JAKMIP2: variants seen among roughly 807,000 people sequenced by gnomAD.
JAKMIP2 encodes the protein janus kinase and microtubule interacting protein 2.
In JAKMIP2, 25 loss-of-function variants were observed where a neutral mutation model predicts 115.0. The ratio of observed to expected loss-of-function variants is 0.22; its 90% confidence interval spans 0.16 to 0.30. The LOEUF is 0.30. JAKMIP2 is among the 10% of genes least tolerant of loss of function. JAKMIP2 has a pLI of 1.00. For missense variants in JAKMIP2, 642 were observed against 957.6 expected (o/e 0.67, Z 4.35); for synonymous variants, 334 against 343.6 (o/e 0.97, Z 0.31).
intron 20 of JAKMIP2, among the ~76,000 whole-genome samples, chr5:147,611,504 G>A (rs1177914745): frequency 1.3e-5 from 2 of 152,114 alleles, no homozygotes; most frequent in East Asian, 3.9e-4. Context: ...CTTGCCCTCC[G>A]TGGGCTGCAC....
rs981899846 is a variant in JAKMIP2, at chr5:147,661,871, G to A, written c.130-426C>T. 5.2e-5 allele frequency: 9 copies of A among 172,074 alleles called. No homozygotes were observed. The East Asian group carries it at 8.3e-4, about 16-fold the overall frequency. The allele number at this position is 172,074 out of a possible 1,614,324, so 10.7% of individuals were successfully genotyped here. On this transcript the variant is annotated intron_variant, in intron 2 of 21. Coordinates refer to ENST00000616793, the MANE Select transcript of JAKMIP2 (RefSeq NM_001270941.2). ...TCGCTATCATGGTTTTTCCCTTTAC[G>A]GGGAGGACTGCAAAACAGATCGCCT...
At chr5:147,697,174 C>T (rs1169967282) in intron 1 of JAKMIP2, among the ~76,000 whole-genome samples, 3 of 152,164 alleles carry the variant, frequency 2.0e-5, no homozygotes, top group African/African-American at 7.2e-5. Context: ...TACAGTTTCA[C>T]ATGACTGAAG....
chr5:147,731,329 A>G (rs1349598533), intron 1 of JAKMIP2, among the ~76,000 whole-genome samples: 1 of 152,238 alleles, frequency 6.6e-6, no homozygotes, highest in Non-Finnish European at 1.5e-5. Flanking sequence ...TATTTCAAGT[A>G]GCTCACGAAA....
chr5:147,704,948 C>T (rs947303569), intron 1 of JAKMIP2, among the ~76,000 whole-genome samples: 2 of 152,122 alleles, frequency 1.3e-5, no homozygotes, highest in Non-Finnish European at 2.9e-5. Context: ...AATAATGTAG[C>T]AGAGTATGAA....
intron 5 of JAKMIP2, among the ~76,000 whole-genome samples, chr5:147,648,136 G>T (rs1227845029): frequency 6.6e-6 from 1 of 152,116 alleles, no homozygotes; most frequent in African/African-American, 2.4e-5. Context: ...TAGTGGTTAA[G>T]TTTAACAGGA....
At chr5:147,761,096 T>C (rs936676865) in intron 1 of JAKMIP2, among the ~76,000 whole-genome samples, 1 of 152,232 alleles carries the variant, frequency 6.6e-6, no homozygotes, top group African/African-American at 2.4e-5. Flanking sequence ...AGTGTCTGCT[T>C]TTATACTAAA....
chr5:147,689,036 G>A (rs577554502), intron 1 of JAKMIP2, among the ~76,000 whole-genome samples: 8 of 152,314 alleles, frequency 5.3e-5, no homozygotes, highest in African/African-American at 1.9e-4. Flanking sequence ...GTGGTGTTGT[G>A]ATTTTAGATC....
intron 21 of JAKMIP2, among the ~76,000 whole-genome samples, chr5:147,598,636 C>T (rs968019670): frequency 2.6e-5 from 4 of 152,126 alleles, no homozygotes; most frequent in Non-Finnish European, 5.9e-5. Context: ...ATAATCCATG[C>T]AGTTATTTAG....
At chr5:147,740,356 T>C (rs76655156) in intron 1 of JAKMIP2, among the ~76,000 whole-genome samples, 361 of 152,342 alleles carry the variant, frequency 2.4e-3, no homozygotes, top group Admixed American at 5.4e-3. Flanking sequence ...CAAAAATCTA[T>C]TGATTATCAG....
At chr5:147,593,886 T>C (rs1755219866) in intron 21 of JAKMIP2, among the ~76,000 whole-genome samples, 1 of 152,206 alleles carries the variant, frequency 6.6e-6, no homozygotes, top group African/African-American at 2.4e-5. Flanking sequence ...AGGGATGTAT[T>C]TTTGTTTGTG....
rs375720289 is a variant in JAKMIP2 at position 147,661,105 on chromosome 5, G to A, written c.470C>T (p.Ala157Val). 3.1e-6 allele frequency: 5 copies of A among 1,613,806 alleles called. No individual in the cohort carries two copies. The highest frequency in any genetic ancestry group is 3.4e-6 in the Non-Finnish European group (4 of 1,180,024). Residue 157 changes from alanine (A) to valine (V), a missense_variant, in exon 3 of 22, where the codon GCG (alanine) becomes GTG (valine). This residue lies in a region of JAKMIP2 where 439 missense variants were observed against 570.9 expected (regional missense o/e 0.77). Coordinates refer to ENST00000616793, the MANE Select transcript of JAKMIP2 (RefSeq NM_001270941.2). ...TERLKLLQEIADLKTAKKQVD... is the reference protein window; with the variant it reads ...TERLKLLQEIVDLKTAKKQVD... ...CTGCTTCTTGGCCGTTTTCAGGTCC[G>A]CAATTTCCTGTAAGAGCTTAAGGCG...
intron 1 of JAKMIP2, among the ~76,000 whole-genome samples, chr5:147,779,213 T>C (rs1444719133): frequency 6.6e-6 from 1 of 152,084 alleles, no homozygotes. Context: ...TCACTTGAAA[T>C]AAGAAACATC....
intron 2 of JAKMIP2, among the ~76,000 whole-genome samples, chr5:147,667,968 C>T (rs75360182): frequency 3.9e-4 from 60 of 152,260 alleles, no homozygotes; most frequent in African/African-American, 1.4e-3. Flanking sequence ...CATCGCGGCT[C>T]CTCCACCAGC....
At chr5:147,636,613 G>GA (rs1262951196) in intron 11 of JAKMIP2, among the ~76,000 whole-genome samples, 1 of 152,164 alleles carries the variant, frequency 6.6e-6, no homozygotes, top group Non-Finnish European at 1.5e-5. Flanking sequence ...CATATGGATG[G>GA]AAAACATTAA....
chr5:147,758,178 C>G (rs1257430430), intron 1 of JAKMIP2, among the ~76,000 whole-genome samples: 1 of 152,016 alleles, frequency 6.6e-6, no homozygotes, highest in African/African-American at 2.4e-5. Context: ...CATGTAAATA[C>G]TACAGTAATC....
At chr5:147,594,452 A>G (rs1270469648) in intron 21 of JAKMIP2, 2 of 455,200 alleles carry the variant, frequency 4.4e-6, no homozygotes, top group Admixed American at 4.7e-5. Context: ...CTTGCACTTC[A>G]GCCTCCCAAG....
At chr5:147,655,723 T>C (rs983970595) in intron 3 of JAKMIP2, among the ~76,000 whole-genome samples, 22 of 152,194 alleles carry the variant, frequency 1.4e-4, no homozygotes, top group Non-Finnish European at 5.9e-5. Context: ...AGCTATTTCT[T>C]GTCTTCTGCT....
chr5:147,752,310 A>G (rs1308810348), intron 1 of JAKMIP2, among the ~76,000 whole-genome samples: 1 of 152,216 alleles, frequency 6.6e-6, no homozygotes, highest in African/African-American at 2.4e-5. Context: ...CATGCAGACC[A>G]AACTGAGTAC....
rs768392414 is a variant in JAKMIP2 at position 147,639,597 on chromosome 5, G to A, written c.1530+35C>T. ...TGCTTTTATGCTGTGACTGCTGCAC[G>A]CTAATTCAGAGCACTCTCACAGATA... On this transcript the variant is annotated intron_variant, in intron 10 of 21. Transcript: ENST00000616793. The A allele has an allele frequency of 2.0e-5, 31 of 1,587,310 alleles. No homozygotes were observed. In the East Asian group the frequency reaches 5.2e-4, roughly 27 times the overall value.
Sources: gnomAD v4.1 joint callset for allele counts (sites outside exome capture counted in the v4.1 genomes callset) on GRCh38, gnomAD v4.1.1 for gene constraint, gnomAD v4.1.1 regional missense constraint, MANE v1.5 for transcripts, NCBI Gene and HGNC (gene_info 2026-07-23, HGNC 2026-07-21) for gene names.